The following SMCHD1 variants were observed in gnomAD, a reference collection of about 807,000 sequenced individuals.
SMCHD1 encodes the protein structural maintenance of chromosomes flexible hinge domain-containing protein 1.
In SMCHD1, 78 loss-of-function variants were observed where a neutral mutation model predicts 254.7. That is an observed-to-expected ratio of 0.31 (90% CI 0.26 to 0.37). SMCHD1 has a LOEUF of 0.37. Ranked by LOEUF, SMCHD1 falls within the 10% of genes least tolerant of loss-of-function variation. The pLI is 1.00. For missense variants in SMCHD1, 1,840 were observed against 2,408.1 expected (o/e 0.76, Z 4.94); for synonymous variants, 766 against 794.9 (o/e 0.96, Z 0.61).
At chr18:2,741,876 TAAAC>T (rs1338393090) in intron 28 of SMCHD1, among the ~76,000 whole-genome samples, 1 of 152,204 alleles carries the variant, frequency 6.6e-6, no homozygotes, top group Non-Finnish European at 1.5e-5. Flanking sequence ...TCTCTCATCT[TAAAC>T]AAACAAAAGG....
Position 2,708,907 on chromosome 18 carries a change from T to TATATATATATATATATATATATATATAA in SMCHD1, c.2260+988_2260+989insTATATATATATATATATATATATATAAA, listed in dbSNP as rs769432583. ...ATATATATATATATATATATATATA[T>TATATATATATATATATATATATATATAA]AACATATTAACATGAAATTTATGAA... is the stretch of plus-strand genomic sequence containing the variant. On this transcript the variant is annotated intron_variant, in intron 17 of 47. Coordinates refer to ENST00000320876, the MANE Select transcript of SMCHD1 (RefSeq NM_015295.3). Among the ~76,000 whole-genome samples the TATATATATATATATATATATATATATAA allele has an allele frequency of 1.8e-3, 79 of 44,700 alleles. 17 individuals carry two copies. Among genetic ancestry groups the TATATATATATATATATATATATATATAA allele is most frequent in the East Asian group, 5.8e-3 (5 of 864 alleles). The allele number at this position is 44,700 out of a possible 152,430, so 29.3% of individuals were successfully genotyped here.
Position 2,752,489 on chromosome 18 carries a change from C to A in SMCHD1, c.4283C>A (p.Ala1428Glu), listed in dbSNP as rs763064626. The change falls in exon 34 of 48, where the codon GCA (alanine) becomes GAA (glutamate). Residue 1428 changes from alanine (A) to glutamate (E), a missense_variant and splice_region_variant. By Grantham distance (107) the Ala-to-Glu change is moderately radical (BLOSUM62 -1). Transcript: ENST00000320876. ...STSGNRPPAN[A>E]ETFSCNKIKD... ...CTTCTCTCCTACTCCCCTTTCTAGG[C>A]AGAAACATTTAGTTGTAATAAAATA... 2 of 1,598,930 alleles carry A rather than the reference C, an allele frequency of 1.3e-6. No individual in the cohort carries two copies. The highest frequency in any genetic ancestry group is 2.2e-5 in the East Asian group (1 of 44,650).
intron 9 of SMCHD1, 81 bp downstream of exon 9, chr18:2,697,203 C>T (rs1277052365): frequency 1.6e-6 from 1 of 622,500 alleles, no homozygotes; most frequent in South Asian, 3.0e-5. Context: ...TAATAAAAAA[C>T]ACTTGATAAT....
chr18:2,707,870 G>A lies in SMCHD1; in HGVS notation c.2210G>A (p.Ser737Asn). ...GEAMQKLPGT[S>N]HGGSKKLLVE... Reference sequence around the variant, plus strand: ...GCAATGCAAAAGCTTCCAGGAACAAGCCATGGAGGGTCAAAGAAACTCCTG... The same window carrying A: ...GCAATGCAAAAGCTTCCAGGAACAAACCATGGAGGGTCAAAGAAACTCCTG... Residue 737 changes from serine to asparagine, a missense_variant, in exon 17 of 48, where the codon AGC becomes AAC. Coordinates refer to ENST00000320876, the MANE Select transcript of SMCHD1 (RefSeq NM_015295.3). The A allele has an allele frequency of 6.2e-7, 1 of 1,608,718 alleles. No homozygotes were observed. The highest frequency in any genetic ancestry group is 8.5e-7 in the Non-Finnish European group (1 of 1,177,542).
intron 47 of SMCHD1, among the ~76,000 whole-genome samples, chr18:2,802,313 G>A (rs1169347383): frequency 6.6e-6 from 1 of 151,992 alleles, no homozygotes; most frequent in Non-Finnish European, 1.5e-5. Flanking sequence ...GTTATATACT[G>A]TGTGTGTGTT....
At chr18:2,786,482 A>G (rs2076242233) in intron 45 of SMCHD1, among the ~76,000 whole-genome samples, 1 of 152,106 alleles carries the variant, frequency 6.6e-6, no homozygotes, top group Non-Finnish European at 1.5e-5. Flanking sequence ...ACCTGAGGTC[A>G]GGAGTTCAAG....
At chr18:2,662,786 G>C (rs1459231667) in intron 1 of SMCHD1, among the ~76,000 whole-genome samples, 1 of 147,872 alleles carries the variant, frequency 6.8e-6, no homozygotes, top group African/African-American at 2.5e-5. Flanking sequence ...GGTCATTTTT[G>C]TCTCTGTTAA....
At chr18:2,789,206 ATT>A (rs11356663) in intron 45 of SMCHD1, among the ~76,000 whole-genome samples, 64 of 143,894 alleles carry the variant, frequency 4.4e-4, no homozygotes, top group African/African-American at 6.3e-4. Flanking sequence ...TATTATTATT[ATT>A]TTTTTTTTTT....
chr18:2,785,934 C>A (rs2076233365), intron 45 of SMCHD1, among the ~76,000 whole-genome samples: 1 of 152,162 alleles, frequency 6.6e-6, no homozygotes. Flanking sequence ...TTAGAATGTC[C>A]TTCCTTTGTA....
At chr18:2,776,217 T>A (rs1046449067) in intron 42 of SMCHD1, among the ~76,000 whole-genome samples, 4 of 151,920 alleles carry the variant, frequency 2.6e-5, no homozygotes, top group South Asian at 2.1e-4. Flanking sequence ...GACATAATAT[T>A]TTTTTTTAAA....
At chr18:2,779,769 T>C (rs563923171) in intron 44 of SMCHD1, among the ~76,000 whole-genome samples, 8 of 152,286 alleles carry the variant, frequency 5.3e-5, no homozygotes, top group Admixed American at 3.9e-4. Flanking sequence ...TCGTGTGCTC[T>C]GATCATGCCT....
At chr18:2,734,109 T>C (rs569640843) in intron 25 of SMCHD1, among the ~76,000 whole-genome samples, 126 of 152,322 alleles carry the variant, frequency 8.3e-4, no homozygotes, top group African/African-American at 2.8e-3. Context: ...TTTGGAACAA[T>C]GCTTGTTCTA....
chr18:2,777,674 C>A, intron 42 of SMCHD1, 132 bp from the exon 43 acceptor site: 1 of 533,090 alleles, frequency 1.9e-6, no homozygotes. Flanking sequence ...TTAGAAGTAT[C>A]ACTTGTGGTG....
Position 2,740,733 on chromosome 18 carries a change from A to C in SMCHD1, c.3545A>C (p.Gln1182Pro). The C allele has an allele frequency of 1.2e-6, 2 of 1,610,080 alleles. No homozygotes were observed. The highest frequency in any genetic ancestry group is 1.7e-4 in the Middle Eastern group (1 of 6,034). ...VIIITDQYGN[Q>P]IQAFSPSSLS... Reference sequence around the variant, plus strand: ...ATAATTACAGATCAGTACGGAAATCAGATTCAAGCATTTTCACCAAGTTCT... The same window carrying C: ...ATAATTACAGATCAGTACGGAAATCCGATTCAAGCATTTTCACCAAGTTCT... The change falls in exon 28 of 48, where the codon CAG becomes CCG. Residue 1182 changes from glutamine to proline, a missense_variant. Physicochemically the swap from Gln to Pro is moderately conservative, Grantham distance 76. Transcript: ENST00000320876.
chr18:2,688,308 A>C, intron 5 of SMCHD1, 86 bp from the exon 6 acceptor site: 2 of 921,894 alleles, frequency 2.2e-6, no homozygotes, highest in Non-Finnish European at 3.5e-6. Flanking sequence ...TGATCATTTT[A>C]TTAACACTGA....
In SMCHD1 at chr18:2,760,590, T is replaced by C. The variant is rs2075767808; in HGVS notation, c.4347-62T>C. ...GTGGAAAGAACAGAAATGTTGACTC[T>C]TTGAATTCCTTCCCCCTTTATACAA... is the stretch of plus-strand genomic sequence containing the variant. On this transcript the variant is annotated intron_variant, in intron 34 of 47. Transcript: ENST00000320876. The C allele has an allele frequency of 4.3e-6, 4 of 925,276 alleles. No individual in the cohort carries two copies. In the South Asian group the frequency reaches 5.4e-5, roughly 13 times the overall value. The allele number at this position is 925,276 out of a possible 1,614,324, so 57.3% of individuals were successfully genotyped here.
At chr18:2,704,232 A>C (rs774760264) in intron 13 of SMCHD1, among the ~76,000 whole-genome samples, 13 of 152,158 alleles carry the variant, frequency 8.5e-5, no homozygotes, top group African/African-American at 3.1e-4. Flanking sequence ...TAAATTCCAT[A>C]ATTTATTATA....
chr18:2,763,622 AT>A lies in SMCHD1; in HGVS notation c.4567-9del. ...TCATCAGTTTCTCTAATTGTTTTCCATTTTTTGTTTTAAGGATGACTACGAC... is the reference window on the plus strand; with the variant it reads ...TCATCAGTTTCTCTAATTGTTTTCCATTTTTGTTTTAAGGATGACTACGAC... On this transcript the variant is annotated splice_polypyrimidine_tract_variant and intron_variant, in intron 36 of 47. Transcript: ENST00000320876. 1.3e-6 allele frequency: 2 copies of A among 1,540,880 alleles called. No individual in the cohort carries two copies. Among genetic ancestry groups the A allele is most frequent in the South Asian group, 1.2e-5 (1 of 80,680 alleles).
intron 3 of SMCHD1, among the ~76,000 whole-genome samples, chr18:2,670,508 C>T (rs1486377764): frequency 6.6e-6 from 1 of 152,080 alleles, no homozygotes; most frequent in African/African-American, 2.4e-5. Context: ...TATTTTCTTT[C>T]CCATATTCCT....
Sources: gnomAD v4.1 joint callset for allele counts (sites outside exome capture counted in the v4.1 genomes callset) on GRCh38, gnomAD v4.1.1 for gene constraint, MANE v1.5 for transcripts, NCBI Gene and HGNC (gene_info 2026-07-23, HGNC 2026-07-21) for gene names.